TOP1: variants seen among roughly 807,000 people sequenced by gnomAD.
The protein encoded by TOP1 is DNA topoisomerase 1.
A neutral mutation model predicts 111.1 loss-of-function variants in TOP1; 10 were observed. The ratio of observed to expected loss-of-function variants is 0.09; its 90% CI spans 0.06 to 0.15. TOP1 has a LOEUF of 0.15. Ranked by LOEUF, TOP1 falls within the 10% of genes least tolerant of loss-of-function variation. The pLI is 1.00. For synonymous variants in TOP1, 271 were observed against 302.9 expected (o/e 0.89, Z 1.10); for missense variants, 474 against 926.7 (o/e 0.51, Z 6.34).
At chr20:41,113,095 C>T (rs1212135530) in intron 14 of TOP1, among the ~76,000 whole-genome samples, 170 bp downstream of exon 14, 2 of 152,198 alleles carry the variant, frequency 1.3e-5, no homozygotes, top group African/African-American at 4.8e-5. Flanking sequence ...TTACTGTGAG[C>T]AGTAGATTCT....
rs2034324727 is a variant in TOP1, at chr20:41,116,070, A to G, written c.1708-208A>G. Among the ~76,000 whole-genome samples the G allele has an allele frequency of 6.6e-6, 1 of 152,190 alleles. No individual in the cohort carries two copies. The highest frequency in any genetic ancestry group is 1.5e-5 in the Non-Finnish European group (1 of 68,026). On this transcript the variant is annotated intron_variant, in intron 16 of 20. Transcript: ENST00000361337. This position sits in a 1 kb window ranked among gnomAD's most constrained non-coding sequence, Gnocchi z 5.6. ...CTGGGTGTCAGAGTGAGACCCTGTC[A>G]TACACACACACAAAGATTGAAATAC...
At chr20:41,045,866 TG>T (rs1199041655) in intron 2 of TOP1, among the ~76,000 whole-genome samples, 1 of 152,210 alleles carries the variant, frequency 6.6e-6, no homozygotes, top group Non-Finnish European at 1.5e-5. Flanking sequence ...GTATGCCATC[TG>T]GGGTTATCTT....
At chr20:41,037,690 T>C (rs1395172658) in intron 2 of TOP1, among the ~76,000 whole-genome samples, 2 of 152,234 alleles carry the variant, frequency 1.3e-5, no homozygotes, top group Non-Finnish European at 2.9e-5. Context: ...TAAGTCTAGC[T>C]AATGCTGAAT....
intron 2 of TOP1, among the ~76,000 whole-genome samples, chr20:41,031,843 AAGG>A (rs138249744): frequency 0.011 from 1,636 of 151,826 alleles, 47 homozygotes; most frequent in Admixed American, 0.071. Context: ...AGAGCTGAAA[AAGG>A]AGAGAAGGAA....
intron 8 of TOP1, among the ~76,000 whole-genome samples, chr20:41,091,339 A>G (rs1379519380): frequency 6.6e-6 from 1 of 152,180 alleles, no homozygotes; most frequent in African/African-American, 2.4e-5. Context: ...TATAAAATAA[A>G]TTTAGATAAA....
chr20:41,032,549 T>C lies in TOP1; in HGVS notation c.58+3094T>C, dbSNP rs1451953723. ...GTTAAAGTGTTAGCGATTCTTCTGC[T>C]GTTTCAGAGGTCTTGAAGTTTTTGC... is the stretch of plus-strand genomic sequence containing the variant. On this transcript the variant is annotated intron_variant, in intron 2 of 20. Coordinates refer to ENST00000361337, the MANE Select transcript of TOP1 (RefSeq NM_003286.4). This position sits in a 1 kb window ranked among gnomAD's most constrained non-coding sequence, Gnocchi z 4.3. 6.6e-6 allele frequency among the ~76,000 whole-genome samples: 1 copy of C among 152,236 alleles called. No homozygotes were observed. Among genetic ancestry groups the C allele is most frequent in the African/African-American group, 2.4e-5 (1 of 41,454 alleles).
chr20:41,054,830 T>G (rs891023731), intron 2 of TOP1, among the ~76,000 whole-genome samples: 13 of 152,246 alleles, frequency 8.5e-5, no homozygotes, highest in Non-Finnish European at 1.6e-4. Context: ...GGATTTCTTT[T>G]TTTTCTTTCT....
chr20:41,051,868 A>G (rs2033410110), intron 2 of TOP1, among the ~76,000 whole-genome samples: 1 of 152,140 alleles, frequency 6.6e-6, no homozygotes, highest in African/African-American at 2.4e-5. Flanking sequence ...CTTCAGTTCT[A>G]TGTAAATTAA....
chr20:41,102,343 C>T lies in TOP1; in HGVS notation c.1308+990C>T, dbSNP rs1177790596. ...ATACTTTTCTGGCTGGGTGTGGTGG[C>T]TCAAGCCTGTAATCCCAGCACTTTG... On this transcript the variant is annotated intron_variant, in intron 13 of 20. Coordinates refer to ENST00000361337, the MANE Select transcript of TOP1 (RefSeq NM_003286.4). This position sits in a 1 kb window ranked among gnomAD's most constrained non-coding sequence, Gnocchi z 4.0. Among the ~76,000 whole-genome samples, 1 of 152,178 alleles carries T rather than the reference C, an allele frequency of 6.6e-6. No homozygotes were observed. The highest frequency in any genetic ancestry group is 2.4e-5 in the African/African-American group (1 of 41,434).
intron 8 of TOP1, among the ~76,000 whole-genome samples, chr20:41,090,706 A>G (rs2033910006): frequency 6.6e-6 from 1 of 152,026 alleles, no homozygotes; most frequent in South Asian, 2.1e-4. Flanking sequence ...GGGTCTCGCC[A>G]TGTTGGCCAG....
intron 8 of TOP1, among the ~76,000 whole-genome samples, chr20:41,086,838 T>G (rs1196753885): frequency 6.6e-6 from 1 of 152,220 alleles, no homozygotes; most frequent in East Asian, 1.9e-4. Context: ...CCTTGCACAT[T>G]CTTTTCAAGC....
chr20:41,099,828 T>C (rs1421112151), intron 11 of TOP1, among the ~76,000 whole-genome samples: 2 of 152,190 alleles, frequency 1.3e-5, no homozygotes, highest in Non-Finnish European at 2.9e-5. Context: ...GACACAAGAA[T>C]CAGTTTTGAA....
intron 2 of TOP1, among the ~76,000 whole-genome samples, chr20:41,041,336 G>C (rs1429548711): frequency 6.6e-6 from 1 of 150,526 alleles, no homozygotes; most frequent in Non-Finnish European, 1.5e-5. Context: ...TACAGTCCCA[G>C]CTACTTGGGA....
At position 41,061,751 on chromosome 20, in the gene TOP1, G is replaced by T. The variant is rs372539707; in HGVS notation, c.155+261G>T. Among the ~76,000 whole-genome samples the T allele has an allele frequency of 1.3e-5, 2 of 152,284 alleles. No homozygotes were observed. The highest frequency in any genetic ancestry group is 2.1e-4 in the South Asian group (1 of 4,820). ...CATTAAAAATACAGTTGTTCACTAA[G>T]ATAGGTAAGGATTCATTGTGACACA... is the stretch of plus-strand genomic sequence containing the variant. On this transcript the variant is annotated intron_variant, in intron 3 of 20. Coordinates refer to ENST00000361337, the MANE Select transcript of TOP1 (RefSeq NM_003286.4). This position sits in a 1 kb window ranked among gnomAD's most constrained non-coding sequence, Gnocchi z 4.6.
At position 41,080,404 on chromosome 20, in the gene TOP1, C is replaced by T. The variant is rs921606089; in HGVS notation, c.431+224C>T. On this transcript the variant is annotated intron_variant, in intron 6 of 20. Coordinates refer to ENST00000361337, the MANE Select transcript of TOP1 (RefSeq NM_003286.4). The surrounding 1 kb of genome is among the most constrained non-coding windows in gnomAD (Gnocchi z 5.0). ...ATGAAGATTATATAAATTTTTATTA[C>T]TGAAAAGGCAATAGATATTTATTGT... 1.3e-5 allele frequency among the ~76,000 whole-genome samples: 2 copies of T among 152,022 alleles called. No individual in the cohort carries two copies. Among genetic ancestry groups the T allele is most frequent in the African/African-American group, 4.8e-5 (2 of 41,396 alleles).
rs1417273988 is a variant in TOP1 at position 41,114,168 on chromosome 20, A to G, written c.1638+13A>G. Reference sequence around the variant, plus strand: ...TGTTGAGAAACGAGTAAGTTAATGTACCTGTACTGTCTGACTTGTTTTCCA... The same window carrying G: ...TGTTGAGAAACGAGTAAGTTAATGTGCCTGTACTGTCTGACTTGTTTTCCA... On this transcript the variant is annotated intron_variant, in intron 15 of 20. Coordinates refer to ENST00000361337, the MANE Select transcript of TOP1 (RefSeq NM_003286.4). This position sits in a 1 kb window ranked among gnomAD's most constrained non-coding sequence, Gnocchi z 4.5. The G allele has an allele frequency of 6.2e-7, 1 of 1,602,938 alleles. No individual in the cohort carries two copies. Among genetic ancestry groups the G allele is most frequent in the South Asian group, 1.1e-5 (1 of 90,126 alleles).
At chr20:41,089,226 A>G (rs982342786) in intron 8 of TOP1, among the ~76,000 whole-genome samples, 2 of 151,904 alleles carry the variant, frequency 1.3e-5, no homozygotes, top group African/African-American at 4.8e-5. Context: ...GGGTTTCGCC[A>G]TGTTGGCCAG....
chr20:41,070,601 A>AGGG (rs1371444673), intron 3 of TOP1, among the ~76,000 whole-genome samples: 1 of 152,248 alleles, frequency 6.6e-6, no homozygotes, highest in African/African-American at 2.4e-5. Context: ...TATCCTTGAA[A>AGGG]GGGTCATGAG....
At chr20:41,055,299 G>A (rs921930726) in intron 2 of TOP1, among the ~76,000 whole-genome samples, 4 of 152,204 alleles carry the variant, frequency 2.6e-5, no homozygotes, top group Non-Finnish European at 5.9e-5. Flanking sequence ...GCACTTAACA[G>A]GTGCTTGAAG....
Sources: gnomAD v4.1 joint callset for allele counts (sites outside exome capture counted in the v4.1 genomes callset) on GRCh38, gnomAD v4.1.1 for gene constraint, Gnocchi (gnomAD v3.1) non-coding constraint, MANE v1.5 for transcripts, NCBI Gene and HGNC (gene_info 2026-07-23, HGNC 2026-07-21) for gene names.